Variants in GAN observed in about 807,000 individuals in gnomAD.
The protein encoded by GAN is epididymis secretory sperm binding protein.
A neutral mutation model predicts 71.3 loss-of-function variants in GAN; 48 were observed. The ratio of observed to expected loss-of-function variants is 0.67; its 90% CI spans 0.53 to 0.86. The LOEUF is 0.86. GAN is among the 40% of genes least tolerant of loss of function. GAN has a pLI of 0.00. For synonymous variants in GAN, 386 were observed against 276.8 expected (o/e 1.39, Z -3.92); for missense variants, 928 against 770.1 (o/e 1.21, Z -2.43).
At position 81,365,087 on chromosome 16, in the gene GAN, C is replaced by T; in HGVS notation, c.1350C>T (p.Ala450=). ...CYDPRTQQWT[A]ICPLKERRFG... ...ATCCCAGGACCCAGCAGTGGACTGC[C>T]ATATGTCCACTAAAAGAGAGGAGGT... is the stretch of plus-strand genomic sequence containing the variant. Residue 450 remains alanine (A), a synonymous_variant, in exon 8 of 11, where the codon GCC becomes GCT. Coordinates refer to ENST00000648994, the MANE Select transcript of GAN (RefSeq NM_022041.4). 1 of 1,613,418 alleles carries T rather than the reference C, an allele frequency of 6.2e-7. No homozygotes were observed. Among genetic ancestry groups the T allele is most frequent in the Non-Finnish European group, 8.5e-7 (1 of 1,179,442 alleles).
chr16:81,338,719 G>C (rs1416613012), intron 1 of GAN, among the ~76,000 whole-genome samples: 1 of 152,208 alleles, frequency 6.6e-6, no homozygotes, highest in South Asian at 2.1e-4. Flanking sequence ...AAATTAGAAA[G>C]GAACGGTGAC....
At chr16:81,359,052 G>C (rs1910583587) in intron 5 of GAN, among the ~76,000 whole-genome samples, 1 of 152,114 alleles carries the variant, frequency 6.6e-6, no homozygotes, top group African/African-American at 2.4e-5. Context: ...AATGGCCAAG[G>C]CTCTACCATA....
intron 1 of GAN, among the ~76,000 whole-genome samples, chr16:81,322,359 G>C (rs1909249373): frequency 6.6e-6 from 1 of 152,224 alleles, no homozygotes; most frequent in African/African-American, 2.4e-5. Flanking sequence ...GCAGCGGCTA[G>C]GTACTAGCAA....
At chr16:81,338,008 G>T (rs891599581) in intron 1 of GAN, among the ~76,000 whole-genome samples, 1 of 152,188 alleles carries the variant, frequency 6.6e-6, no homozygotes. Flanking sequence ...GCTCAGTCAA[G>T]AAATATTCAG....
intron 1 of GAN, among the ~76,000 whole-genome samples, chr16:81,343,588 C>A (rs576165208): frequency 6.6e-6 from 1 of 152,144 alleles, no homozygotes; most frequent in African/African-American, 2.4e-5. Context: ...TAAAAACTCT[C>A]AATAAACTAG....
chr16:81,370,510 T>G (rs1911004897), intron 9 of GAN, among the ~76,000 whole-genome samples: 1 of 152,248 alleles, frequency 6.6e-6, no homozygotes, highest in South Asian at 2.1e-4. Flanking sequence ...GCTGCTACCT[T>G]TAGGGCAGAG....
Position 81,357,801 on chromosome 16 carries a change from C to T in GAN, c.852-9C>T, listed in dbSNP as rs757517748. On this transcript the variant is annotated splice_polypyrimidine_tract_variant and intron_variant, in intron 4 of 10. Transcript: ENST00000648994. ...ACATTAACTACTGATCACTTATTTA[C>T]TTCCTTAGTTCACGGAAACCCACAG... The T allele has an allele frequency of 1.9e-6, 3 of 1,611,696 alleles. No individual in the cohort carries two copies. In the East Asian group the frequency reaches 6.7e-5, roughly 36 times the overall value.
In GAN at chr16:81,315,087, C is replaced by T; in HGVS notation, c.-27C>T. The T allele has an allele frequency of 3.4e-6, 5 of 1,465,074 alleles. No homozygotes were observed. The highest frequency in any genetic ancestry group is 4.5e-6 in the Non-Finnish European group (5 of 1,102,722). The allele number at this position is 1,465,074 out of a possible 1,614,324, so 90.8% of individuals were successfully genotyped here. ...CGGCCGGACGGTGTCGGGAGCCGGACCCGTCGGCAGAGGAGCGGGCGCCGC... is the reference window on the plus strand; with the variant it reads ...CGGCCGGACGGTGTCGGGAGCCGGATCCGTCGGCAGAGGAGCGGGCGCCGC... On this transcript the variant is annotated 5_prime_UTR_variant, in exon 1 of 11. Coordinates refer to ENST00000648994, the MANE Select transcript of GAN (RefSeq NM_022041.4).
At chr16:81,335,811 A>C (rs1463867678) in intron 1 of GAN, among the ~76,000 whole-genome samples, 1 of 152,172 alleles carries the variant, frequency 6.6e-6, no homozygotes, top group African/African-American at 2.4e-5. Context: ...TGAGGAAAAA[A>C]GTTTTTTTGG....
At chr16:81,351,890 C>T (rs923695868) in intron 2 of GAN, among the ~76,000 whole-genome samples, 193 bp downstream of exon 2, 9 of 152,170 alleles carry the variant, frequency 5.9e-5, no homozygotes, top group South Asian at 2.1e-4. Context: ...CCTAGAGAAG[C>T]AGAGGAAGTA....
At chr16:81,361,403 T>C (rs1299383998) in intron 5 of GAN, among the ~76,000 whole-genome samples, 4 of 152,208 alleles carry the variant, frequency 2.6e-5, no homozygotes, top group Non-Finnish European at 5.9e-5. Context: ...AGTTCAAGGC[T>C]CATGATTTCC....
In GAN at chr16:81,365,114, C is replaced by G. The variant is rs137934652; in HGVS notation, c.1373+4C>G. 13 of 1,613,138 alleles carry G rather than the reference C, an allele frequency of 8.1e-6. No individual in the cohort carries two copies. The highest frequency in any genetic ancestry group is 1.1e-5 in the Non-Finnish European group (13 of 1,179,590). ...TATGTCCACTAAAAGAGAGGAGGTA[C>G]GTGGCTGTGGGGTGGACTTTGTAGA... On this transcript the variant is annotated splice_donor_region_variant and intron_variant, in intron 8 of 10. Transcript: ENST00000648994.
chr16:81,360,013 T>TGTTG (rs1448918811), intron 5 of GAN, among the ~76,000 whole-genome samples: 1 of 132,464 alleles, frequency 7.5e-6, no homozygotes, highest in Non-Finnish European at 1.6e-5. Flanking sequence ...TTTTGATATA[T>TGTTG]GTTGGATGGA....
In GAN at chr16:81,347,745, T is replaced by C. The variant is rs1193793833; in HGVS notation, c.168-3838T>C. Among the ~76,000 whole-genome samples the C allele has an allele frequency of 2.6e-5, 4 of 152,210 alleles. No homozygotes were observed. In the East Asian group the frequency reaches 7.7e-4, roughly 29 times the overall value. ...TTATTATTTAACTTTCATTTACAAG[T>C]ATGAAGCCATTCTGATTCTTGATCC... On this transcript the variant is annotated intron_variant, in intron 1 of 10. Coordinates refer to ENST00000648994, the MANE Select transcript of GAN (RefSeq NM_022041.4).
rs536415431 is a variant in GAN, at chr16:81,389,326, A to G, written c.*11730A>G. 1 of 151,950 alleles carries G rather than the reference A, an allele frequency of 6.6e-6. No individual in the cohort carries two copies. The highest frequency in any genetic ancestry group is 1.5e-5 in the Non-Finnish European group (1 of 68,022). 9.4% of individuals were successfully genotyped at this position (151,950 alleles called of 1,614,324 possible). A position where few individuals can be genotyped will look rare whatever the true frequency, so the allele number is the denominator to read the frequency against. Reference sequence around the variant, plus strand: ...AGTTCGCCGGCGACGTAATGGTGATACCCTTTGTTTTTTGTATCATACCTT... The same window carrying G: ...AGTTCGCCGGCGACGTAATGGTGATGCCCTTTGTTTTTTGTATCATACCTT... On this transcript the variant is annotated 3_prime_UTR_variant, in exon 11 of 11. Transcript: ENST00000648994.
At chr16:81,344,071 C>G (rs956727523) in intron 1 of GAN, among the ~76,000 whole-genome samples, 5 of 152,176 alleles carry the variant, frequency 3.3e-5, no homozygotes, top group Non-Finnish European at 7.3e-5. Context: ...TGAAGGACCT[C>G]TTCAAGGAGA....
At chr16:81,325,924 G>C (rs1419573181) in intron 1 of GAN, among the ~76,000 whole-genome samples, 1 of 152,200 alleles carries the variant, frequency 6.6e-6, no homozygotes, top group East Asian at 1.9e-4. Flanking sequence ...TTCTGCATGT[G>C]TTTCTTGTCT....
At chr16:81,323,742 A>T (rs1165904760) in intron 1 of GAN, among the ~76,000 whole-genome samples, 2 of 152,172 alleles carry the variant, frequency 1.3e-5, no homozygotes, top group African/African-American at 2.4e-5. Flanking sequence ...GATGGTGGCA[A>T]CGAACTGACA....
chr16:81,340,609 C>T (rs1385536987), intron 1 of GAN, among the ~76,000 whole-genome samples: 1 of 152,054 alleles, frequency 6.6e-6, no homozygotes, highest in African/African-American at 2.4e-5. Flanking sequence ...AAAAGGACAT[C>T]CACACCAAAA....
Sources: gnomAD v4.1 joint callset for allele counts (sites outside exome capture counted in the v4.1 genomes callset) on GRCh38, gnomAD v4.1.1 for gene constraint, MANE v1.5 for transcripts, NCBI Gene and HGNC (gene_info 2026-07-23, HGNC 2026-07-21) for gene names.